NINL: variants seen among roughly 807,000 people sequenced by gnomAD.
NINL encodes ninein like.
NINL carries 153 observed loss-of-function variants against 160.3 expected under a neutral mutation model. The observed-to-expected ratio is 0.95, with a 90% CI of 0.84 to 1.09. The LOEUF (loss-of-function observed/expected upper bound fraction) is 1.09. Among genes scored for constraint, NINL ranks in the 50% least tolerant of loss-of-function variants. The pLI, the probability that NINL is intolerant of heterozygous loss-of-function variation, is 0.00. For missense variants in NINL, 1,829 were observed against 1,764.0 expected (o/e 1.04, Z -0.66); for synonymous variants, 800 against 734.8 (o/e 1.09, Z -1.43).
chr20:25,463,535 G>A (rs372980851), intron 19 of NINL, among the ~76,000 whole-genome samples: 113 of 152,274 alleles, frequency 7.4e-4, no homozygotes, highest in African/African-American at 2.6e-3. Context: ...CAGTGACAGC[G>A]GCAGGAAAGT....
At chr20:25,539,288 C>T in intron 1 of NINL, among the ~76,000 whole-genome samples, 1 of 152,236 alleles carries the variant, frequency 6.6e-6, no homozygotes, top group East Asian at 1.9e-4. Context: ...CATGCAAAGA[C>T]AACCCTGGAT....
chr20:25,579,163 C>T (rs1400898886), intron 1 of NINL, among the ~76,000 whole-genome samples: 1 of 152,056 alleles, frequency 6.6e-6, no homozygotes, highest in Non-Finnish European at 1.5e-5. Context: ...TTGGAAACCC[C>T]ACTGTGTTGG....
At chr20:25,569,017 G>A (rs62211507) in intron 1 of NINL, among the ~76,000 whole-genome samples, 79 of 151,688 alleles carry the variant, frequency 5.2e-4, no homozygotes, top group Admixed American at 2.4e-3. Context: ...ATCACTTGAG[G>A]TCAGGAGTTT....
intron 17 of NINL, 63 bp from the exon 18 acceptor site, chr20:25,470,158 GGCTCT>G: frequency 7.4e-7 from 1 of 1,353,164 alleles, no homozygotes; most frequent in Non-Finnish European, 1.1e-6. Context: ...CACGGAGGCT[GGCTCT>G]GCAGCGGGGA....
chr20:25,551,187 G>T (rs963774684), intron 1 of NINL, among the ~76,000 whole-genome samples: 2 of 152,288 alleles, frequency 1.3e-5, no homozygotes, highest in African/African-American at 4.8e-5. Flanking sequence ...TGTTTTCTGG[G>T]AGCACAGGGT....
chr20:25,532,770 C>T (rs573045428), intron 1 of NINL, among the ~76,000 whole-genome samples: 2 of 152,314 alleles, frequency 1.3e-5, no homozygotes, highest in Admixed American at 1.3e-4. Context: ...ATGGCCTAAC[C>T]CCTATCCAAG....
In NINL at chr20:25,452,846, T is replaced by C. The variant is rs1405104582; in HGVS notation, c.*605A>G. The C allele has an allele frequency of 6.6e-6, 1 of 151,594 alleles. No individual in the cohort carries two copies. Among genetic ancestry groups the C allele is most frequent in the Non-Finnish European group, 1.5e-5 (1 of 67,850 alleles). The allele number at this position is 151,594 out of a possible 1,614,324, so 9.4% of individuals were successfully genotyped here. A position where few individuals can be genotyped will look rare whatever the true frequency, so the allele number is the denominator to read the frequency against. Reference sequence around the variant, plus strand: ...TTTTTACATATAGTACAATTTCCAGTGTGATGACATTTCAATGGGAAAAAG... The same window carrying C: ...TTTTTACATATAGTACAATTTCCAGCGTGATGACATTTCAATGGGAAAAAG... On this transcript the variant is annotated 3_prime_UTR_variant, in exon 24 of 24. Transcript: ENST00000278886.
Position 25,462,489 on chromosome 20 carries a change from A to C in NINL, c.3476T>G (p.Leu1159Arg), listed in dbSNP as rs767369242. The C allele has an allele frequency of 8.1e-5, 131 of 1,614,094 alleles. No individual in the cohort carries two copies. Among genetic ancestry groups the C allele is most frequent in the Non-Finnish European group, 1.0e-4 (118 of 1,180,048 alleles). Reference protein sequence around the residue: ...LSQLNVRVLQLGQEASTHQAQ... With the variant: ...LSQLNVRVLQRGQEASTHQAQ... ...CTGGTGGGTAGAAGCCTCCTGTCCC[A>C]GTTGAAGAACCCTGACATTGAGCTG... Residue 1159 changes from leucine (L) to arginine (R), a missense_variant, in exon 20 of 24, where the codon CTG becomes CGG. Transcript: ENST00000278886.
intron 1 of NINL, among the ~76,000 whole-genome samples, chr20:25,557,693 G>A: frequency 6.6e-6 from 1 of 151,838 alleles, no homozygotes; most frequent in African/African-American, 2.4e-5. Context: ...AGAGAGAAAT[G>A]GACAATTCCA....
At chr20:25,506,462 G>A (rs757638185) in intron 5 of NINL, among the ~76,000 whole-genome samples, 10 of 152,192 alleles carry the variant, frequency 6.6e-5, no homozygotes, top group Non-Finnish European at 1.3e-4. Context: ...CGGCTGAAGT[G>A]TTTAGAAGTA....
At chr20:25,576,751 C>T (rs957023652) in intron 1 of NINL, among the ~76,000 whole-genome samples, 8 of 152,154 alleles carry the variant, frequency 5.3e-5, no homozygotes, top group Admixed American at 3.9e-4. Flanking sequence ...CATGTGCCAC[C>T]GTGCCAGCCT....
chr20:25,568,230 C>T (rs2065015782), intron 1 of NINL, among the ~76,000 whole-genome samples: 1 of 116,930 alleles, frequency 8.6e-6, no homozygotes, highest in East Asian at 1.9e-4. Context: ...TTTGTCAGAT[C>T]TCAAAAAAAA....
intron 17 of NINL, among the ~76,000 whole-genome samples, chr20:25,474,717 C>A (rs909380915): frequency 1.3e-5 from 2 of 151,450 alleles, no homozygotes; most frequent in East Asian, 2.0e-4. Flanking sequence ...CAGGTTCAAG[C>A]GATTCTCCTG....
intron 20 of NINL, 83 bp downstream of exon 20, chr20:25,462,300 G>T: frequency 7.5e-7 from 1 of 1,329,212 alleles, no homozygotes; most frequent in Non-Finnish European, 1.0e-6. Context: ...GCTCCTCAGC[G>T]CGTGTCCTGA....
intron 1 of NINL, among the ~76,000 whole-genome samples, chr20:25,561,790 C>T (rs1416846698): frequency 4.0e-5 from 6 of 150,588 alleles, no homozygotes; most frequent in South Asian, 4.2e-4. Context: ...GGAGACCCTC[C>T]GCCTGGCAAC....
chr20:25,500,976 G>A lies in NINL; in HGVS notation c.896C>T (p.Thr299Ile). Residue 299 changes from threonine (T) to isoleucine (I), a missense_variant, in exon 8 of 24, where the codon ACC (threonine) becomes ATC (isoleucine). Physicochemically the swap from Thr to Ile is moderately conservative, Grantham distance 89. Coordinates refer to ENST00000278886, the MANE Select transcript of NINL (RefSeq NM_025176.6). ...PEESGCHTTT[T>I]SSLVSLCSSL... The stretch of plus-strand genomic sequence containing the variant: ...GGAGCACAGGGACACGAGGGATGAG[G>A]TTGTGGTGGTGTGGCAGCCGCTCTC... The A allele has an allele frequency of 6.2e-7, 1 of 1,614,178 alleles. No individual in the cohort carries two copies. The highest frequency in any genetic ancestry group is 8.5e-7 in the Non-Finnish European group (1 of 1,180,040).
At chr20:25,469,507 A>G (rs2063038399) in intron 18 of NINL, among the ~76,000 whole-genome samples, 1 of 146,264 alleles carries the variant, frequency 6.8e-6, no homozygotes, top group East Asian at 2.0e-4. Flanking sequence ...CAGGTTCCTG[A>G]CCCTCCCCAC....
At chr20:25,480,078 G>A (rs1366662204) in intron 15 of NINL, 83 bp downstream of exon 15, 2 of 962,200 alleles carry the variant, frequency 2.1e-6, no homozygotes, top group East Asian at 4.8e-5. Context: ...AGACGCATGT[G>A]GAAATGTCAG....
rs1221976867 is a variant in NINL, at chr20:25,476,735, G to A, written c.2556C>T (p.Gly852=). ...GCCAGGCCAGTGGCCGCTCCCCACA[G>A]CCCGGACGCAGTGGTAGGAGGCCAC... ...GTRGLLPLRP[G]CGERPLAWLA... The change falls in exon 17 of 24, where the codon GGC becomes GGT. Residue 852 remains glycine (G), a synonymous_variant. Transcript: ENST00000278886. The A allele has an allele frequency of 1.9e-6, 3 of 1,606,052 alleles. No individual in the cohort carries two copies. The highest frequency in any genetic ancestry group is 2.5e-6 in the Non-Finnish European group (3 of 1,179,298).
Sources: gnomAD v4.1 joint callset for allele counts (sites outside exome capture counted in the v4.1 genomes callset) on GRCh38, gnomAD v4.1.1 for gene constraint, MANE v1.5 for transcripts, NCBI Gene and HGNC (gene_info 2026-07-23, HGNC 2026-07-21) for gene names.